Variants in PLA2R1 observed in about 807,000 individuals in gnomAD.
PLA2R1 encodes the protein secretory phospholipase A2 receptor.
Under a neutral mutation model 195.9 loss-of-function variants are expected in PLA2R1, and 158 were observed. The ratio of observed to expected loss-of-function variants is 0.81; its 90% CI spans 0.71 to 0.92. The LOEUF (loss-of-function observed/expected upper bound fraction) is 0.92. Ranked by LOEUF, PLA2R1 falls within the 40% of genes least tolerant of loss-of-function variation. The pLI, the probability that PLA2R1 is intolerant of heterozygous loss-of-function variation, is 0.00. For missense variants in PLA2R1, 1,626 were observed against 1,764.6 expected, an observed-to-expected ratio of 0.92 and a Z score of 1.41; for synonymous variants, 586 against 598.2, an observed-to-expected ratio of 0.98 and a Z score of 0.30.
At position 159,941,836 on chromosome 2, in the gene PLA2R1, C is replaced by G; in HGVS notation, c.4334G>C (p.Ser1445Thr). Residue 1445 changes from serine (S) to threonine (T), a missense_variant, in exon 30 of 30, where the codon AGT (serine) becomes ACT (threonine). Coordinates refer to ENST00000283243, the MANE Select transcript of PLA2R1 (RefSeq NM_007366.5). Reference sequence around the variant, plus strand: ...AATATTTTCTTCTAAATATACTGTACTAAAGTTGGTTGCAGGATAGTAAGG... The same window carrying G: ...AATATTTTCTTCTAAATATACTGTAGTAAAGTTGGTTGCAGGATAGTAAGG... ...RNPYYPATNF[S>T]TVYLEENILI... is the part of the protein sequence containing the mutation. The G allele has an allele frequency of 6.2e-7, 1 of 1,612,764 alleles. No homozygotes were observed. The highest frequency in any genetic ancestry group is 8.5e-7 in the Non-Finnish European group (1 of 1,178,862).
rs1260103611 is a variant in PLA2R1, at chr2:159,969,297, T to G, written c.2723A>C (p.Asn908Thr). 1 of 1,608,120 alleles carries G rather than the reference T, an allele frequency of 6.2e-7. No individual in the cohort carries two copies. Among genetic ancestry groups the G allele is most frequent in the Non-Finnish European group, 8.5e-7 (1 of 1,174,876 alleles). Residue 908 changes from asparagine to threonine, a missense_variant, in exon 19 of 30, where the codon AAT (asparagine) becomes ACT (threonine). By Grantham distance (65) the Asn-to-Thr change is moderately conservative. Coordinates refer to ENST00000283243, the MANE Select transcript of PLA2R1 (RefSeq NM_007366.5). ...NWDTGRERTV[N>T]NQSQRCGFIS... Reference sequence around the variant, plus strand: ...AAAGCCACATCTCTGGCTCTGATTATTCACAGTTCTTTCTCTTCCTGTGTC... The same window carrying G: ...AAAGCCACATCTCTGGCTCTGATTAGTCACAGTTCTTTCTCTTCCTGTGTC...
At position 159,978,057 on chromosome 2, in the gene PLA2R1, T is replaced by G. The variant is rs142151485; in HGVS notation, c.2269-641A>C. On this transcript the variant is annotated intron_variant, in intron 14 of 29. Transcript: ENST00000283243. Reference sequence around the variant, plus strand: ...TTCTAACTGGGAAAATTTTCTAGCCTTGGAATCCTGGGTAAACTTAGGGAC... The same window carrying G: ...TTCTAACTGGGAAAATTTTCTAGCCGTGGAATCCTGGGTAAACTTAGGGAC... 2.4e-3 allele frequency among the ~76,000 whole-genome samples: 362 copies of G among 152,334 alleles called. 1 individual carries two copies. The highest frequency in any genetic ancestry group is 4.1e-3 in the Non-Finnish European group (280 of 68,026).
chr2:159,989,795 C>G (rs938259895), intron 11 of PLA2R1, among the ~76,000 whole-genome samples: 2 of 152,112 alleles, frequency 1.3e-5, no homozygotes, highest in African/African-American at 2.4e-5. Context: ...CCTGCATATT[C>G]AAAGAATTTT....
intron 9 of PLA2R1, among the ~76,000 whole-genome samples, chr2:160,013,721 C>CTGTGTGTGTGTGTG (rs71000325): frequency 7.4e-4 from 86 of 116,524 alleles, no homozygotes; most frequent in Middle Eastern, 4.2e-3. Flanking sequence ...CTCTCTCTCT[C>CTGTGTGTGTGTGTG]TGTGTGTGTG....
intron 9 of PLA2R1, among the ~76,000 whole-genome samples, chr2:160,015,969 C>T (rs1187082750): frequency 6.6e-6 from 1 of 152,138 alleles, no homozygotes; most frequent in Non-Finnish European, 1.5e-5. Flanking sequence ...CACTTGAAAA[C>T]TAGGAAAACC....
chr2:159,958,087 A>T (rs988980819), intron 20 of PLA2R1, among the ~76,000 whole-genome samples: 2 of 151,930 alleles, frequency 1.3e-5, no homozygotes, highest in African/African-American at 2.4e-5. Flanking sequence ...GTTCCCTCCA[A>T]CTCTCATGTT....
chr2:160,049,131 G>A (rs1000231336), intron 1 of PLA2R1, among the ~76,000 whole-genome samples: 26 of 152,022 alleles, frequency 1.7e-4, no homozygotes, highest in Non-Finnish European at 3.5e-4. Context: ...GTGAGCCACC[G>A]CGCCCGGCCA....
At chr2:159,929,870 G>GTA (rs141890108), downstream of PLA2R1, among the ~76,000 whole-genome samples, 43,788 of 142,726 alleles carry the variant, frequency 0.31, 7,177 homozygotes, top group East Asian at 0.51. Context: ...GTGTGTGTGT[G>GTA]TGTATATATA....
rs1237814232 is a variant in PLA2R1 at position 159,934,707 on chromosome 2, A to G, written c.*7071T>C. The G allele has an allele frequency of 6.6e-6, 1 of 152,192 alleles. No homozygotes were observed. The highest frequency in any genetic ancestry group is 1.5e-5 in the Non-Finnish European group (1 of 68,014). The allele number at this position is 152,192 out of a possible 1,614,324, so 9.4% of individuals were successfully genotyped here. On this transcript the variant is annotated 3_prime_UTR_variant, in exon 30 of 30. Coordinates refer to ENST00000283243, the MANE Select transcript of PLA2R1 (RefSeq NM_007366.5). ...TAACTTTTTATATTGAAATGATTTTAGGTTTACAGAAAAATTGCCAACTTA... is the reference window on the plus strand; with the variant it reads ...TAACTTTTTATATTGAAATGATTTTGGGTTTACAGAAAAATTGCCAACTTA...
intron 1 of PLA2R1, 97 bp downstream of exon 1, chr2:160,062,198 A>C: frequency 2.0e-6 from 2 of 982,726 alleles, no homozygotes; most frequent in East Asian, 3.1e-5. Context: ...CTTGCCCGCC[A>C]GCTTGGCCCC....
chr2:159,957,358 T>C (rs952343204), intron 20 of PLA2R1, among the ~76,000 whole-genome samples: 1 of 152,164 alleles, frequency 6.6e-6, no homozygotes, highest in Non-Finnish European at 1.5e-5. Flanking sequence ...TTTCTTTTCT[T>C]TTTAAATTTT....
Position 160,013,361 on chromosome 2 carries a change from A to T in PLA2R1, c.1566T>A (p.His522Gln). ...ESGCQEGWERHGGFCYKIDTV... is the reference protein window; with the variant it reads ...ESGCQEGWERQGGFCYKIDTV... ...TGTCAATTTTGTAACAGAATCCACC[A>T]TGTCTCTCCCATCCCTTAAAAAGAA... Residue 522 changes from histidine (H) to glutamine (Q), a missense_variant, in exon 10 of 30, where the codon CAT becomes CAA. Transcript: ENST00000283243. 1 of 1,597,716 alleles carries T rather than the reference A, an allele frequency of 6.3e-7. No homozygotes were observed. The highest frequency in any genetic ancestry group is 8.6e-7 in the Non-Finnish European group (1 of 1,165,812).
At chr2:160,062,040 C>CT (rs1410368569) in intron 1 of PLA2R1, among the ~76,000 whole-genome samples, 1 of 152,060 alleles carries the variant, frequency 6.6e-6, no homozygotes, top group Non-Finnish European at 1.5e-5. Context: ...CAAGCCCCCC[C>CT]GCCCCCGCCG....
rs757781806 is a variant in PLA2R1 at position 160,028,970 on chromosome 2, T to C, written c.842-7A>G. The C allele has an allele frequency of 6.8e-7, 1 of 1,466,178 alleles. No homozygotes were observed. 90.8% of individuals were successfully genotyped at this position (1,466,178 alleles called of 1,614,324 possible). ...GTTTTACTGCTCATGTGCTCTGAAA[T>C]GAAAATTATGGAGCTTCAAAAAAAA... On this transcript the variant is annotated splice_polypyrimidine_tract_variant and splice_region_variant and intron_variant, in intron 4 of 29. Transcript: ENST00000283243.
At chr2:159,996,475 T>G (rs184942358) in intron 11 of PLA2R1, among the ~76,000 whole-genome samples, 136 of 152,236 alleles carry the variant, frequency 8.9e-4, no homozygotes, top group Middle Eastern at 3.4e-3. Context: ...GATTTTGTCT[T>G]TATCTTTTAT....
At chr2:160,042,438 C>T (rs538560949) in intron 2 of PLA2R1, among the ~76,000 whole-genome samples, 12 of 152,250 alleles carry the variant, frequency 7.9e-5, no homozygotes, top group Admixed American at 3.9e-4. Flanking sequence ...TGTTTACTTA[C>T]TATGGTGAGC....
chr2:159,946,589 T>C (rs1687399540), intron 27 of PLA2R1: 2 of 1,254,884 alleles, frequency 1.6e-6, no homozygotes, highest in Admixed American at 8.3e-5. Flanking sequence ...TATTGTTTGT[T>C]TTTATTTTTG....
chr2:160,023,509 C>G (rs1693283770), intron 6 of PLA2R1, among the ~76,000 whole-genome samples: 1 of 152,170 alleles, frequency 6.6e-6, no homozygotes, highest in South Asian at 2.1e-4. Context: ...GGGAGGAACC[C>G]TCAGTTCCGA....
At chr2:160,011,268 G>C (rs927151872) in intron 10 of PLA2R1, among the ~76,000 whole-genome samples, 9 of 152,088 alleles carry the variant, frequency 5.9e-5, no homozygotes, top group African/African-American at 2.2e-4. Flanking sequence ...TGGCACTATG[G>C]GTTATCTGTA....
Sources: gnomAD v4.1 joint callset for allele counts (sites outside exome capture counted in the v4.1 genomes callset) on GRCh38, gnomAD v4.1.1 for gene constraint, MANE v1.5 for transcripts, NCBI Gene and HGNC (gene_info 2026-07-23, HGNC 2026-07-21) for gene names.